The following ACOT12 variants were observed in gnomAD, a reference collection of about 807,000 sequenced individuals.
ACOT12 encodes the protein acyl-CoA thioesterase 12.
A neutral mutation model predicts 67.7 loss-of-function variants in ACOT12; 51 were observed. That is an observed-to-expected ratio of 0.75 (90% CI 0.60 to 0.95). ACOT12 has a LOEUF of 0.95. Ranked by LOEUF, ACOT12 falls within the 40% of genes least tolerant of loss-of-function variation. The pLI is 0.00. For synonymous variants in ACOT12, 251 were observed against 244.6 expected, an observed-to-expected ratio of 1.03 and a Z score of -0.24; for missense variants, 734 against 708.1, an observed-to-expected ratio of 1.04 and a Z score of -0.41.
At chr5:81,315,155 T>G in the ACOT12 span, among the ~76,000 whole-genome samples, 1 of 152,202 alleles carries the variant, frequency 6.6e-6, no homozygotes, top group Non-Finnish European at 1.5e-5. Flanking sequence ...ACTGGGATGC[T>G]CCACTAATAC....
chr5:81,317,006 T>C, the ACOT12 span, among the ~76,000 whole-genome samples: 1 of 152,234 alleles, frequency 6.6e-6, no homozygotes, highest in African/African-American at 2.4e-5. Flanking sequence ...GTGGTTTGTC[T>C]TTTGACTTTC....
chr5:81,385,776 G>C lies in ACOT12; in HGVS notation c.178C>G (p.Gln60Glu). 1 of 1,614,022 alleles carries C rather than the reference G, an allele frequency of 6.2e-7. No homozygotes were observed. Among genetic ancestry groups the C allele is most frequent in the Non-Finnish European group, 8.5e-7 (1 of 1,179,990 alleles). ...SCVTASVDDI[Q>E]FEETARVGQV... ...ACTTACCTAGCTGTCTCCTCAAACT[G>C]TATGTCATCCACTGAGGCTGTAACG... Residue 60 changes from glutamine to glutamate, a missense_variant, in exon 2 of 15, where the codon CAG (glutamine) becomes GAG (glutamate). Physicochemically the swap from Gln to Glu is conservative, Grantham distance 29. Coordinates refer to ENST00000307624, the MANE Select transcript of ACOT12 (RefSeq NM_130767.3).
chr5:81,310,850 C>T, the ACOT12 span, among the ~76,000 whole-genome samples: 2 of 152,218 alleles, frequency 1.3e-5, no homozygotes, highest in Non-Finnish European at 2.9e-5. Context: ...AGTGCATCTG[C>T]TTACATCTTT....
At chr5:81,324,698 G>A in the ACOT12 span, among the ~76,000 whole-genome samples, 6 of 152,182 alleles carry the variant, frequency 3.9e-5, no homozygotes, top group South Asian at 1.0e-3. Context: ...AATTAGTGAT[G>A]TAGGAGGGAT....
At chr5:81,322,093 T>C in the ACOT12 span, among the ~76,000 whole-genome samples, 3 of 152,096 alleles carry the variant, frequency 2.0e-5, no homozygotes, top group East Asian at 1.9e-4. Context: ...AAATTTATAA[T>C]AGAATGGGAA....
At chr5:81,308,884 A>T in the ACOT12 span, 1 of 1,467,256 alleles carries the variant, frequency 6.8e-7, no homozygotes, top group South Asian at 1.3e-5. Context: ...TTTTAAAATA[A>T]TGTTAATTTT....
At chr5:81,324,325 T>C in the ACOT12 span, among the ~76,000 whole-genome samples, 1 of 152,200 alleles carries the variant, frequency 6.6e-6, no homozygotes, top group African/African-American at 2.4e-5. Context: ...AGTAGTAAGG[T>C]TCTCATTATA....
intron 4 of ACOT12, among the ~76,000 whole-genome samples, chr5:81,361,402 T>C (rs943110800): frequency 3.9e-5 from 6 of 152,074 alleles, no homozygotes; most frequent in African/African-American, 1.4e-4. Context: ...GGGCTCACTA[T>C]GTTGCCCAGG....
chr5:81,374,454 G>A (rs534764266), intron 2 of ACOT12, among the ~76,000 whole-genome samples: 85 of 152,052 alleles, frequency 5.6e-4, no homozygotes, highest in Admixed American at 2.1e-3. Flanking sequence ...TCACAACTCC[G>A]TGCCAGGAAG....
intron 2 of ACOT12, among the ~76,000 whole-genome samples, chr5:81,372,379 A>C (rs145332353): frequency 6.6e-6 from 1 of 152,158 alleles, no homozygotes; most frequent in Non-Finnish European, 1.5e-5. Flanking sequence ...CCTTCCCCTT[A>C]GCAGAAGGTA....
intron 3 of ACOT12, among the ~76,000 whole-genome samples, chr5:81,366,638 C>T (rs760062578): frequency 6.6e-6 from 1 of 151,786 alleles, no homozygotes; most frequent in Non-Finnish European, 1.5e-5. Flanking sequence ...GGTCTATAGG[C>T]CATAGTTTGC....
intron 3 of ACOT12, among the ~76,000 whole-genome samples, chr5:81,366,932 T>C (rs891788733): frequency 6.6e-6 from 1 of 151,974 alleles, no homozygotes; most frequent in Non-Finnish European, 1.5e-5. Flanking sequence ...TAAAACTCTA[T>C]AAAGTCCAAA....
In ACOT12 at chr5:81,347,860, G is replaced by A; in HGVS notation, c.567C>T (p.Val189=). 1.2e-6 allele frequency: 2 copies of A among 1,614,148 alleles called. No individual in the cohort carries two copies. Among genetic ancestry groups the A allele is most frequent in the Non-Finnish European group, 1.7e-6 (2 of 1,180,010 alleles). ...RGTSVQSIEL[V]LPPHANHHGN... ...CGTGATGGTTTGCATGGGGTGGGAG[G>A]ACCAGTTCAATGCTCTGAACGGAGG... is the stretch of plus-strand genomic sequence containing the variant. The change falls in exon 6 of 15, where the codon GTC becomes GTT. Residue 189 remains valine, a synonymous_variant. Transcript: ENST00000307624.
Position 81,335,896 on chromosome 5 carries a change from T to A in ACOT12, c.1134A>T (p.Lys378Asn). Reference protein sequence around the residue: ...WEVTSTVEKIKIYTLEEHDVL... With the variant: ...WEVTSTVEKINIYTLEEHDVL... ...CATCATGCTCTTCCAGAGTATATAT[T>A]TTTATCTAAAAGACAACAAAAAAAT... The change falls in exon 12 of 15, where the codon AAA (lysine) becomes AAT (asparagine). Residue 378 changes from lysine to asparagine, a missense_variant. Transcript: ENST00000307624. The A allele has an allele frequency of 6.3e-7, 1 of 1,596,168 alleles. No individual in the cohort carries two copies. The highest frequency in any genetic ancestry group is 1.2e-5 in the South Asian group (1 of 86,386).
chr5:81,308,818 G>T, the ACOT12 span: 1 of 1,439,358 alleles, frequency 6.9e-7, no homozygotes. Context: ...CTTAGTATTT[G>T]GAAATCATAT....
chr5:81,358,869 A>C (rs1759809241), intron 5 of ACOT12, among the ~76,000 whole-genome samples: 1 of 150,930 alleles, frequency 6.6e-6, no homozygotes, highest in Admixed American at 6.6e-5. Flanking sequence ...AAAAAAAATC[A>C]AGTTGGTAAT....
At position 81,363,999 on chromosome 5, in the gene ACOT12, C is replaced by A. The variant is rs1032436270; in HGVS notation, c.259-110G>T. 9 of 553,950 alleles carry A rather than the reference C, an allele frequency of 1.6e-5. No homozygotes were observed. The Admixed American group carries it at 3.3e-4, about 20-fold the overall frequency. The allele number at this position is 553,950 out of a possible 1,614,324, so 34.3% of individuals were successfully genotyped here. A position where few individuals can be genotyped will look rare whatever the true frequency, so the allele number is the denominator to read the frequency against. On this transcript the variant is annotated intron_variant, in intron 3 of 14. Transcript: ENST00000307624. ...ACCTTCTTTCATTTTAAAAATGAAA[C>A]CAGAATTTTAATTTATTTTTAAGCA...
intron 2 of ACOT12, among the ~76,000 whole-genome samples, chr5:81,378,754 A>G (rs1458271653): frequency 1.3e-5 from 2 of 152,262 alleles, no homozygotes; most frequent in Non-Finnish European, 2.9e-5. Flanking sequence ...ACTGGTTATT[A>G]GAGAAATGCA....
the ACOT12 span, chr5:81,312,810 TTCTG>T: frequency 5.3e-6 from 3 of 569,718 alleles, no homozygotes; most frequent in South Asian, 2.4e-5. Context: ...ATTTTCTTTA[TTCTG>T]TCTATCAAAT....
Sources: gnomAD v4.1 joint callset for allele counts (sites outside exome capture counted in the v4.1 genomes callset) on GRCh38, gnomAD v4.1.1 for gene constraint, MANE v1.5 for transcripts, NCBI Gene and HGNC (gene_info 2026-07-23, HGNC 2026-07-21) for gene names.